Variants in GOLGA8A observed in about 807,000 individuals in gnomAD.
GOLGA8A encodes the protein golgin subfamily A member 8A.
GOLGA8A carries 3 observed loss-of-function variants against 22.1 expected under a neutral mutation model. The observed-to-expected ratio is 0.14, with a 90% confidence interval of 0.06 to 0.35. The LOEUF (loss-of-function observed/expected upper bound fraction) is 0.35. GOLGA8A is among the 10% of genes least tolerant of loss of function. The probability of loss-of-function intolerance (pLI) is 1.00; values close to 1 mark genes in which losing one functional copy is unlikely to be tolerated. For synonymous variants in GOLGA8A, 7 were observed against 91.7 expected (o/e 0.08, Z 5.28); for missense variants, 16 against 233.2 (o/e 0.07, Z 6.07).
intron 2 of GOLGA8A, among the ~76,000 whole-genome samples, chr15:34,420,958 AC>A (rs1467415665): frequency 2.2e-4 from 29 of 131,910 alleles, no homozygotes; most frequent in African/African-American, 8.3e-4. Flanking sequence ...CACCGCAATG[AC>A]CATCCCGCCG....
chr15:34,435,741 G>A (rs1448882380), intron 1 of GOLGA8A, among the ~76,000 whole-genome samples: 1 of 148,680 alleles, frequency 6.7e-6, no homozygotes, highest in Non-Finnish European at 1.5e-5. Flanking sequence ...TAACAAATGA[G>A]AGGGAAGACT....
At chr15:34,428,269 T>A in intron 2 of GOLGA8A, among the ~76,000 whole-genome samples, 1 of 147,656 alleles carries the variant, frequency 6.8e-6, no homozygotes, top group African/African-American at 2.5e-5. Context: ...AATTTTTCTA[T>A]TTTTTTGTAG....
intron 8 of GOLGA8A, among the ~76,000 whole-genome samples, chr15:34,397,271 C>T (rs1474860702): frequency 1.0e-4 from 15 of 144,544 alleles, no homozygotes; most frequent in Admixed American, 7.0e-4. Context: ...AGGTGTGAGA[C>T]ACCATACCCA....
intron 1 of GOLGA8A, 100 bp downstream of exon 1, chr15:34,437,298 C>G (rs1483579799): frequency 1.4e-5 from 2 of 144,506 alleles, no homozygotes; most frequent in Non-Finnish European, 3.1e-5. Flanking sequence ...TGGCCCGCAG[C>G]TTACGCGCCG....
chr15:34,417,779 T>C (rs1348868324), intron 2 of GOLGA8A: 2 of 148,060 alleles, frequency 1.4e-5, no homozygotes, highest in African/African-American at 5.0e-5. Flanking sequence ...TTCTAAGATC[T>C]AGGATGTAGC....
chr15:34,437,015 G>A (rs1893553861), intron 1 of GOLGA8A, among the ~76,000 whole-genome samples: 1 of 149,116 alleles, frequency 6.7e-6, no homozygotes, highest in Admixed American at 6.7e-5. Flanking sequence ...CCGGGCAGCG[G>A]AACGCACCAG....
intron 2 of GOLGA8A, among the ~76,000 whole-genome samples, chr15:34,432,400 A>T (rs1390623124): frequency 1.3e-5 from 2 of 148,180 alleles, no homozygotes; most frequent in African/African-American, 2.5e-5. Context: ...CGGACCTCAC[A>T]CTCTCTCCAG....
At chr15:34,416,236 T>C (rs1194766280) in intron 2 of GOLGA8A, 4 of 151,990 alleles carry the variant, frequency 2.6e-5, no homozygotes, top group African/African-American at 2.4e-5. Context: ...TTCTGAGAAC[T>C]TTTTCTTCTC....
rs561867755 is a variant in GOLGA8A, at chr15:34,436,528, G to A, written c.-1212+870C>T. On this transcript the variant is annotated intron_variant, in intron 1 of 24. Coordinates refer to ENST00000359187, the MANE Select transcript of GOLGA8A (RefSeq NM_181077.5). The stretch of plus-strand genomic sequence containing the variant: ...CTTCTGCCAGTAAATACTAAGTTAA[G>A]ACTAGCAGGCCCCTCTAAGGCTCTG... Among the ~76,000 whole-genome samples, 29 of 150,040 alleles carry A rather than the reference G, an allele frequency of 1.9e-4. 2 individuals carry two copies. Among genetic ancestry groups the A allele is most frequent in the Admixed American group, 8.0e-4 (12 of 14,928 alleles).
rs1059924 is a variant in GOLGA8A at position 34,379,350 on chromosome 15, T to A, written c.*2061A>T. 3.3e-5 allele frequency: 5 copies of A among 152,722 alleles called. No individual in the cohort carries two copies. Among genetic ancestry groups the A allele is most frequent in the Non-Finnish European group, 5.9e-5 (4 of 68,038 alleles). 9.5% of individuals were successfully genotyped at this position (152,722 alleles called of 1,614,324 possible). A position where few individuals can be genotyped will look rare whatever the true frequency, so the allele number is the denominator to read the frequency against. On this transcript the variant is annotated 3_prime_UTR_variant, in exon 25 of 25. Coordinates refer to ENST00000359187, the MANE Select transcript of GOLGA8A (RefSeq NM_181077.5). ...ACATTAAGATAGCAGTTACATTTTT[T>A]AATATTTATATTATTTTAAAATGAC...
rs569218701 is a variant in GOLGA8A, at chr15:34,427,019, T to C, written c.-1123+8364A>G. 2.7e-4 allele frequency among the ~76,000 whole-genome samples: 40 copies of C among 147,296 alleles called. 2 individuals carry two copies. Among genetic ancestry groups the C allele is most frequent in the Non-Finnish European group, 5.0e-4 (33 of 66,602 alleles). ...CTCAGTATTGGAGAATAAAACAAAA[T>C]AGACAAGCACTTTAAAATTCACCAG... On this transcript the variant is annotated intron_variant, in intron 2 of 24. Transcript: ENST00000359187.
chr15:34,435,892 C>T (rs1893484540), intron 1 of GOLGA8A, among the ~76,000 whole-genome samples: 1 of 149,078 alleles, frequency 6.7e-6, no homozygotes, highest in African/African-American at 2.5e-5. Context: ...TACTCACGCC[C>T]TGGACACTGC....
intron 2 of GOLGA8A, chr15:34,419,975 C>T (rs117636872): frequency 0.23 from 30,644 of 134,720 alleles, 4,351 homozygotes; most frequent in African/African-American, 0.35. Context: ...GGGGAGTTAG[C>T]GGACACAGAG....
intron 2 of GOLGA8A, among the ~76,000 whole-genome samples, chr15:34,425,400 A>C (rs1445498717): frequency 7.1e-6 from 1 of 141,816 alleles, no homozygotes; most frequent in East Asian, 2.2e-4. Context: ...AAAAAAAAAA[A>C]ACTACATCCA....
chr15:34,430,154 C>CTGAATTTTATTA (rs1432557720), intron 2 of GOLGA8A, among the ~76,000 whole-genome samples: 1 of 149,184 alleles, frequency 6.7e-6, no homozygotes, highest in Non-Finnish European at 1.5e-5. Context: ...TAATAAAATG[C>CTGAATTTTATTA]AGTTAATTTA....
chr15:34,425,709 T>G (rs1176098715), intron 2 of GOLGA8A, among the ~76,000 whole-genome samples: 1 of 146,108 alleles, frequency 6.8e-6, no homozygotes, highest in African/African-American at 2.5e-5. Flanking sequence ...GGAATAACCC[T>G]GTGTACCAAG....
chr15:34,417,944 C>T (rs1456620346), intron 2 of GOLGA8A: 3 of 139,552 alleles, frequency 2.1e-5, no homozygotes, highest in African/African-American at 7.9e-5. Flanking sequence ...AAACGTCCTA[C>T]AACACACAGG....
At chr15:34,434,658 C>A (rs1000712305) in intron 2 of GOLGA8A, among the ~76,000 whole-genome samples, 2 of 149,064 alleles carry the variant, frequency 1.3e-5, no homozygotes, top group African/African-American at 5.0e-5. Context: ...TGTGGGCGCT[C>A]GGGCCAACCA....
rs1840161640 is a variant in GOLGA8A, at chr15:34,429,712, C to A, written c.-1123+5671G>T. ...AATATAGTAGCTTCTCAGAAAATAC[C>A]TACTGAGTACACGGCTGGATAGATG... On this transcript the variant is annotated intron_variant, in intron 2 of 24. Transcript: ENST00000359187. Among the ~76,000 whole-genome samples the A allele has an allele frequency of 2.1e-5, 3 of 146,250 alleles. No individual in the cohort carries two copies. In the South Asian group the frequency reaches 7.0e-4, roughly 34 times the overall value.
Sources: gnomAD v4.1 joint callset for allele counts (sites outside exome capture counted in the v4.1 genomes callset) on GRCh38, gnomAD v4.1.1 for gene constraint, MANE v1.5 for transcripts, NCBI Gene and HGNC (gene_info 2026-07-23, HGNC 2026-07-21) for gene names.